The following RAP1A variants were observed in gnomAD, a reference collection of about 807,000 sequenced individuals.
RAP1A encodes the protein RAP1A, member of RAS oncogene family.
Under a neutral mutation model 26.4 loss-of-function variants are expected in RAP1A, and 6 were observed. That is an observed-to-expected ratio of 0.23 (90% CI 0.12 to 0.45). The LOEUF is 0.45. Ranked by LOEUF, RAP1A falls within the 20% of genes least tolerant of loss-of-function variation. The probability of loss-of-function intolerance (pLI) is 0.99; values close to 1 mark genes in which losing one functional copy is unlikely to be tolerated. For synonymous variants in RAP1A, 73 were observed against 79.4 expected (o/e 0.92, Z 0.43); for missense variants, 121 against 217.2 (o/e 0.56, Z 2.78).
intron 1 of RAP1A, among the ~76,000 whole-genome samples, chr1:111,552,500 G>A (rs1001970262): frequency 2.8e-4 from 42 of 152,244 alleles, no homozygotes; most frequent in Admixed American, 1.8e-3. Context: ...CTTTTATGTT[G>A]GAGTTCATTT....
At chr1:111,704,674 A>G (rs1662129907) in intron 6 of RAP1A, among the ~76,000 whole-genome samples, 188 bp downstream of exon 6, 1 of 152,194 alleles carries the variant, frequency 6.6e-6, no homozygotes, top group Non-Finnish European at 1.5e-5. Context: ...TGGCTGTATG[A>G]GGATACTTAA....
intron 1 of RAP1A, among the ~76,000 whole-genome samples, chr1:111,657,996 A>T (rs554875876): frequency 6.6e-6 from 1 of 152,136 alleles, no homozygotes; most frequent in African/African-American, 2.4e-5. Flanking sequence ...GTATGATTTA[A>T]ATTTATTCAA....
intron 1 of RAP1A, among the ~76,000 whole-genome samples, chr1:111,552,242 G>A (rs547373007): frequency 3.3e-5 from 5 of 152,212 alleles, no homozygotes; most frequent in African/African-American, 9.6e-5. Context: ...TCCAAATGAC[G>A]ACATTCATTC....
At chr1:111,620,125 C>T (rs890112052) in intron 1 of RAP1A, among the ~76,000 whole-genome samples, 191 bp downstream of exon 1, 13 of 152,136 alleles carry the variant, frequency 8.5e-5, no homozygotes, top group Admixed American at 6.5e-5. Context: ...CTGGGAGGCC[C>T]GGCCGCCGCC....
intron 1 of RAP1A, among the ~76,000 whole-genome samples, chr1:111,629,177 T>C (rs968044533): frequency 1.6e-4 from 25 of 152,180 alleles, no homozygotes; most frequent in Non-Finnish European, 2.1e-4. Context: ...GTTAAGCAGC[T>C]TCTAAGTAAA....
chr1:111,610,925 A>T (rs186934926), intron 1 of RAP1A, among the ~76,000 whole-genome samples: 10 of 152,196 alleles, frequency 6.6e-5, no homozygotes, highest in African/African-American at 9.6e-5. Flanking sequence ...TGCGAAAGCA[A>T]ATATTCAGAA....
intron 1 of RAP1A, among the ~76,000 whole-genome samples, chr1:111,625,844 A>G (rs1444827321): frequency 2.0e-5 from 3 of 151,348 alleles, no homozygotes; most frequent in Non-Finnish European, 2.9e-5. Context: ...GTCTTGCTAT[A>G]TCACCCACGC....
intron 1 of RAP1A, among the ~76,000 whole-genome samples, chr1:111,588,710 C>CTACTTCAA (rs1658423145): frequency 6.6e-6 from 1 of 152,196 alleles, no homozygotes; most frequent in Non-Finnish European, 1.5e-5. Flanking sequence ...GAAGCTTTAA[C>CTACTTCAA]TACTTCAATT....
chr1:111,700,717 A>T (rs2101278994), intron 4 of RAP1A, among the ~76,000 whole-genome samples: 1 of 152,306 alleles, frequency 6.6e-6, no homozygotes, highest in African/African-American at 2.4e-5. Flanking sequence ...TGAACTCCTG[A>T]TAACCTTTCC....
At chr1:111,682,249 A>C (rs551876139) in intron 1 of RAP1A, among the ~76,000 whole-genome samples, 1 of 152,344 alleles carries the variant, frequency 6.6e-6, no homozygotes, top group East Asian at 1.9e-4. Context: ...CCATACCAAA[A>C]TATGAAGACC....
intron 1 of RAP1A, among the ~76,000 whole-genome samples, chr1:111,555,296 G>T (rs1657438216): frequency 6.9e-6 from 1 of 145,638 alleles, no homozygotes; most frequent in South Asian, 2.2e-4. Context: ...AACCCAGGAG[G>T]CTGAGGTTGC....
chr1:111,584,070 T>G (rs1658316077), intron 1 of RAP1A, among the ~76,000 whole-genome samples: 1 of 151,744 alleles, frequency 6.6e-6, no homozygotes, highest in African/African-American at 2.4e-5. Flanking sequence ...TTAGTAGAGA[T>G]GAGGTTTCAC....
intron 4 of RAP1A, 41 bp downstream of exon 4, chr1:111,697,538 G>A: frequency 6.2e-7 from 1 of 1,604,906 alleles, no homozygotes; most frequent in Non-Finnish European, 8.5e-7. Flanking sequence ...TTTAATTTGT[G>A]AGCAGGTTTT....
intron 1 of RAP1A, among the ~76,000 whole-genome samples, chr1:111,656,540 A>G (rs1374359299): frequency 6.6e-6 from 1 of 152,006 alleles, no homozygotes; most frequent in Non-Finnish European, 1.5e-5. Context: ...TCCTGAACCC[A>G]GTTGTGCTTT....
chr1:111,588,518 C>T (rs558345152), intron 1 of RAP1A, among the ~76,000 whole-genome samples: 1 of 152,282 alleles, frequency 6.6e-6, no homozygotes, highest in South Asian at 2.1e-4. Context: ...ACGCCCCTGC[C>T]CACATCTTTA....
At chr1:111,549,062 C>T (rs573172545) in intron 1 of RAP1A, among the ~76,000 whole-genome samples, 36 of 152,228 alleles carry the variant, frequency 2.4e-4, no homozygotes, top group African/African-American at 8.4e-4. Flanking sequence ...TTTTCATATG[C>T]TACTGAAGTC....
At position 111,689,998 on chromosome 1, in the gene RAP1A, A is replaced by C. The variant is rs143111166; in HGVS notation, c.-27-1336A>C. On this transcript the variant is annotated intron_variant, in intron 1 of 7. Coordinates refer to ENST00000369709, the MANE Select transcript of RAP1A (RefSeq NM_002884.4). Reference sequence around the variant, plus strand: ...GCCTCAGGTCACATTTTCTTTCTTCACATTTCTATTAATTTTTTATTGGAT... The same window carrying C: ...GCCTCAGGTCACATTTTCTTTCTTCCCATTTCTATTAATTTTTTATTGGAT... Among the ~76,000 whole-genome samples the C allele has an allele frequency of 2.5e-3, 374 of 152,030 alleles. 2 individuals are homozygous for C. The highest frequency in any genetic ancestry group is 8.6e-3 in the African/African-American group (358 of 41,464).
At chr1:111,700,358 C>A (rs1661980729) in intron 4 of RAP1A, among the ~76,000 whole-genome samples, 1 of 152,120 alleles carries the variant, frequency 6.6e-6, no homozygotes, top group African/African-American at 2.4e-5. Context: ...AGGAAGCTTA[C>A]AATCATAGTG....
intron 2 of RAP1A, among the ~76,000 whole-genome samples, 159 bp downstream of exon 2, chr1:111,691,576 T>A (rs1162566696): frequency 6.6e-6 from 1 of 152,230 alleles, no homozygotes; most frequent in African/African-American, 2.4e-5. Context: ...TAACCACAGA[T>A]GTATATAGTT....
Sources: gnomAD v4.1 joint callset for allele counts (sites outside exome capture counted in the v4.1 genomes callset) on GRCh38, gnomAD v4.1.1 for gene constraint, MANE v1.5 for transcripts, NCBI Gene and HGNC (gene_info 2026-07-23, HGNC 2026-07-21) for gene names.